The following AGBL4 variants were observed in gnomAD, a reference collection of about 807,000 sequenced individuals.
AGBL4 encodes AGBL carboxypeptidase 4, also known as cytosolic carboxypeptidase 6.
Under a neutral mutation model 66.4 loss-of-function variants are expected in AGBL4, and 58 were observed. The ratio of observed to expected loss-of-function variants is 0.87; its 90% CI spans 0.71 to 1.09. The LOEUF (loss-of-function observed/expected upper bound fraction) is 1.09. AGBL4 is among the 50% of genes least tolerant of loss of function. The pLI is 0.00. For synonymous variants in AGBL4, 234 were observed against 222.9 expected (o/e 1.05, Z -0.44); for missense variants, 579 against 631.0 (o/e 0.92, Z 0.88).
At chr1:49,098,099 G>A (rs944633594) in intron 4 of AGBL4, among the ~76,000 whole-genome samples, 4 of 152,220 alleles carry the variant, frequency 2.6e-5, no homozygotes, top group African/African-American at 7.2e-5. Context: ...GGCTTGAACT[G>A]TGGCTCTGTT....
At chr1:48,813,983 C>G (rs931415546) in intron 6 of AGBL4, among the ~76,000 whole-genome samples, 3 of 152,054 alleles carry the variant, frequency 2.0e-5, no homozygotes, top group Non-Finnish European at 4.4e-5. Flanking sequence ...CTAACTTCTC[C>G]TCTCTTGTGA....
At chr1:48,665,615 C>A (rs1370827357) in intron 6 of AGBL4, among the ~76,000 whole-genome samples, 1 of 152,144 alleles carries the variant, frequency 6.6e-6, no homozygotes, top group African/African-American at 2.4e-5. Flanking sequence ...CCAGCCAGTG[C>A]CCCTTTCACT....
At chr1:49,563,223 G>T (rs1387373099) in intron 3 of AGBL4, among the ~76,000 whole-genome samples, 1 of 151,038 alleles carries the variant, frequency 6.6e-6, no homozygotes, top group Admixed American at 6.6e-5. Flanking sequence ...AGACAATGGG[G>T]TTTCTAGATA....
At chr1:49,302,418 A>G (rs78534716) in intron 3 of AGBL4, among the ~76,000 whole-genome samples, 46 of 151,616 alleles carry the variant, frequency 3.0e-4, no homozygotes, top group African/African-American at 9.4e-4. Flanking sequence ...ACACCCAGCT[A>G]ATTTTTTTGT....
chr1:49,906,265 TATGTGCATAAACTC>T (rs1650265022), intron 1 of AGBL4, among the ~76,000 whole-genome samples: 1 of 152,012 alleles, frequency 6.6e-6, no homozygotes, highest in African/African-American at 2.4e-5. Context: ...AAAAACATCT[TATGTGCATAAACTC>T]ATGTAATCAT....
chr1:49,863,282 C>G (rs1291541921), intron 1 of AGBL4, among the ~76,000 whole-genome samples: 1 of 152,058 alleles, frequency 6.6e-6, no homozygotes, highest in East Asian at 1.9e-4. Flanking sequence ...TACAAAAAAT[C>G]AAATCAAAAT....
intron 6 of AGBL4, among the ~76,000 whole-genome samples, chr1:48,813,785 C>T (rs1336741177): frequency 6.6e-6 from 1 of 151,420 alleles, no homozygotes; most frequent in Non-Finnish European, 1.5e-5. Context: ...ACTATTCTTC[C>T]TGTGTAGACT....
chr1:49,773,745 G>C (rs1644124359), intron 2 of AGBL4, among the ~76,000 whole-genome samples: 1 of 152,182 alleles, frequency 6.6e-6, no homozygotes, highest in South Asian at 2.1e-4. Context: ...AGATCAGGCA[G>C]CTGTGTGTAA....
chr1:49,538,041 G>A (rs1651740740), intron 3 of AGBL4, among the ~76,000 whole-genome samples: 1 of 152,066 alleles, frequency 6.6e-6, no homozygotes, highest in African/African-American at 2.4e-5. Context: ...TGTATACAGA[G>A]TTCTCAAAGA....
In AGBL4 at chr1:49,793,849, A is replaced by G. The variant is rs1028108522; in HGVS notation, c.157+57547T>C. 3.9e-5 allele frequency among the ~76,000 whole-genome samples: 6 copies of G among 151,990 alleles called. No homozygotes were observed. In the East Asian group the frequency reaches 1.2e-3, roughly 29 times the overall value. On this transcript the variant is annotated intron_variant, in intron 2 of 13. Transcript: ENST00000371839. ...TAGGATTTTATTAGAAGAGGATCCAATAAAAGAGATCAATAGGGGGTAGCA... is the reference window on the plus strand; with the variant it reads ...TAGGATTTTATTAGAAGAGGATCCAGTAAAAGAGATCAATAGGGGGTAGCA...
chr1:49,017,651 CAGG>C (rs1189244789), intron 5 of AGBL4, among the ~76,000 whole-genome samples: 1 of 152,102 alleles, frequency 6.6e-6, no homozygotes, highest in Non-Finnish European at 1.5e-5. Flanking sequence ...CTTTAGACTC[CAGG>C]AGGGCAGAAA....
intron 4 of AGBL4, among the ~76,000 whole-genome samples, chr1:49,244,421 C>G (rs1221152734): frequency 6.6e-6 from 1 of 151,790 alleles, no homozygotes; most frequent in Admixed American, 6.6e-5. Flanking sequence ...TGATTTGATA[C>G]AGGAAAGCAA....
At chr1:49,578,348 A>G (rs1379333588) in intron 3 of AGBL4, among the ~76,000 whole-genome samples, 1 of 152,220 alleles carries the variant, frequency 6.6e-6, no homozygotes, top group Non-Finnish European at 1.5e-5. Context: ...AGCCCAATCC[A>G]GGCAGGACTG....
intron 2 of AGBL4, among the ~76,000 whole-genome samples, chr1:49,748,480 T>A (rs1474207795): frequency 1.3e-5 from 2 of 152,222 alleles, no homozygotes; most frequent in Admixed American, 1.3e-4. Flanking sequence ...TGCATGTGCA[T>A]GTGGCTTTAT....
chr1:49,023,859 T>G (rs1465005769), intron 5 of AGBL4, among the ~76,000 whole-genome samples: 1 of 152,186 alleles, frequency 6.6e-6, no homozygotes, highest in Admixed American at 6.5e-5. Context: ...TTAAAACATG[T>G]GAGGACATTA....
At chr1:48,571,539 T>G (rs1029594199) in intron 11 of AGBL4, among the ~76,000 whole-genome samples, 1 of 152,242 alleles carries the variant, frequency 6.6e-6, no homozygotes, top group Admixed American at 6.5e-5. Flanking sequence ...ATGACACTCA[T>G]GTTGGCATCT....
chr1:49,187,926 A>T (rs189840968), intron 4 of AGBL4, among the ~76,000 whole-genome samples: 1 of 152,220 alleles, frequency 6.6e-6, no homozygotes, highest in African/African-American at 2.4e-5. Context: ...TAACTGAATT[A>T]TGGGGGTGAG....
At chr1:48,914,013 G>A (rs1653374926) in intron 5 of AGBL4, among the ~76,000 whole-genome samples, 1 of 152,146 alleles carries the variant, frequency 6.6e-6, no homozygotes, top group South Asian at 2.1e-4. Flanking sequence ...GTGGGAAGTT[G>A]GAGGAAAGAT....
chr1:48,657,035 T>C (rs533201025), intron 7 of AGBL4, among the ~76,000 whole-genome samples: 37 of 152,202 alleles, frequency 2.4e-4, no homozygotes, highest in African/African-American at 8.2e-4. Context: ...TAGGAAGAGA[T>C]GGTCTGTTGG....
Sources: allele counts gnomAD v4.1 joint callset (sites outside exome capture counted in the v4.1 genomes callset), GRCh38; gene constraint gnomAD v4.1.1; transcripts MANE v1.5; gene names NCBI Gene and HGNC (gene_info 2026-07-23, HGNC 2026-07-21).